CNTRL: variants seen among roughly 807,000 people sequenced by gnomAD.
CNTRL encodes centriolin.
Under a neutral mutation model 303.7 loss-of-function variants are expected in CNTRL, and 233 were observed. The observed-to-expected ratio is 0.77, with a 90% CI of 0.69 to 0.86. The LOEUF (loss-of-function observed/expected upper bound fraction) is 0.86. CNTRL is among the 40% of genes least tolerant of loss of function. The pLI, the probability that CNTRL is intolerant of heterozygous loss-of-function variation, is 0.00. For missense variants in CNTRL, 2,524 were observed against 2,650.6 expected, an observed-to-expected ratio of 0.95 and a Z score of 1.05; for synonymous variants, 900 against 922.2, an observed-to-expected ratio of 0.98 and a Z score of 0.44.
chr9:121,133,732 G>A (rs988786391), intron 14 of CNTRL, among the ~76,000 whole-genome samples: 17 of 152,322 alleles, frequency 1.1e-4, no homozygotes, highest in African/African-American at 4.1e-4. Context: ...CGTCGTCTGC[G>A]TCGATCACGC....
At position 121,125,825 on chromosome 9, in the gene CNTRL, G is replaced by A. The variant is rs1364907748; in HGVS notation, c.1914G>A (p.Glu638=). ...GCCAGGCAACTCAGGCCCAGAATGAGTGCAGGAAGCTGCGGGATGAGAAAG... is the reference window on the plus strand; with the variant it reads ...GCCAGGCAACTCAGGCCCAGAATGAATGCAGGAAGCTGCGGGATGAGAAAG... The part of the protein sequence containing the change: ...IKGQATQAQN[E]CRKLRDEKET... The change falls in exon 14 of 44, where the codon GAG becomes GAA. Residue 638 remains glutamate (E), a synonymous_variant. Transcript: ENST00000373855. 6 of 1,614,112 alleles carry A rather than the reference G, an allele frequency of 3.7e-6. No homozygotes were observed. Among genetic ancestry groups the A allele is most frequent in the Admixed American group, 3.3e-5 (2 of 60,008 alleles).
At position 121,098,534 on chromosome 9, in the gene CNTRL, C is replaced by T. The variant is rs2132605850; in HGVS notation, c.770C>T (p.Thr257Ile). Residue 257 changes from threonine to isoleucine, a missense_variant, in exon 7 of 44, where the codon ACT (threonine) becomes ATT (isoleucine). Transcript: ENST00000373855. Reference protein sequence around the residue: ...LESLEGQPVTTQDRQEAFERF... With the variant: ...LESLEGQPVTIQDRQEAFERF... The stretch of plus-strand genomic sequence containing the variant: ...AGTTTGGAAGGTCAGCCAGTAACCA[C>T]TCAGGATAGACAGGAGGCTTTTGAG... 1.2e-6 allele frequency: 2 copies of T among 1,613,592 alleles called. No individual in the cohort carries two copies. The highest frequency in any genetic ancestry group is 2.7e-5 in the African/African-American group (2 of 74,978).
Position 121,166,161 on chromosome 9 carries a change from A to AT in CNTRL, c.5639dup (p.Leu1880PhefsTer21). ...GAGGAACTAGCTAATGTCCAAGACC[A>AT]TTTGAACCTAGCAAAACAGGTAAGG... On this transcript the variant is annotated frameshift_variant, in exon 36 of 44. Coordinates refer to ENST00000373855, the MANE Select transcript of CNTRL (RefSeq NM_007018.6). LOFTEE classifies it high-confidence loss of function. 1.9e-6 allele frequency: 3 copies of AT among 1,612,076 alleles called. No homozygotes were observed. In the Admixed American group the frequency reaches 5.0e-5, roughly 27 times the overall value.
In CNTRL at chr9:121,115,073, TG is replaced by T; in HGVS notation, c.1346-16del. 2 of 1,469,336 alleles carry T rather than the reference TG, an allele frequency of 1.4e-6. No homozygotes were observed. Among genetic ancestry groups the T allele is most frequent in the Non-Finnish European group, 1.9e-6 (2 of 1,069,976 alleles). The allele number at this position is 1,469,336 out of a possible 1,614,324, so 91.0% of individuals were successfully genotyped here. On this transcript the variant is annotated splice_polypyrimidine_tract_variant and intron_variant, in intron 10 of 43. Coordinates refer to ENST00000373855, the MANE Select transcript of CNTRL (RefSeq NM_007018.6). Reference sequence around the variant, plus strand: ...TTTCTTGTTTCATATTATGTGAGCATGGTTTTTAAATTTGCAGCACAAACTC... The same window carrying T: ...TTTCTTGTTTCATATTATGTGAGCATGTTTTTAAATTTGCAGCACAAACTC...
intron 2 of CNTRL, among the ~76,000 whole-genome samples, chr9:121,081,031 C>T (rs879383685): frequency 5.9e-5 from 9 of 152,160 alleles, no homozygotes; most frequent in Admixed American, 4.6e-4. Flanking sequence ...TATGATCTAA[C>T]GCTAATAGAC....
intron 11 of CNTRL, among the ~76,000 whole-genome samples, chr9:121,116,774 C>T (rs753207949): frequency 1.3e-5 from 2 of 152,036 alleles, no homozygotes; most frequent in African/African-American, 2.4e-5. Context: ...TTGTTCAGTA[C>T]AGGCAAGAGA....
chr9:121,107,669 G>A (rs1361332651), intron 7 of CNTRL, 133 bp from the exon 8 acceptor site: 1 of 593,414 alleles, frequency 1.7e-6, no homozygotes, highest in Non-Finnish European at 2.8e-6. Flanking sequence ...CCAAAACCAT[G>A]GTGGCTAATT....
intron 23 of CNTRL, 63 bp from the exon 24 acceptor site, chr9:121,148,609 C>A: frequency 6.9e-7 from 1 of 1,450,530 alleles, no homozygotes; most frequent in Non-Finnish European, 9.4e-7. Context: ...TAGACTTTGA[C>A]GTTTCTTAAA....
Position 121,125,937 on chromosome 9 carries a change from G to A in CNTRL, c.2025+1G>A, listed in dbSNP as rs373906366. 6.6e-5 allele frequency: 106 copies of A among 1,612,806 alleles called. No individual in the cohort carries two copies. The highest frequency in any genetic ancestry group is 9.0e-5 in the Non-Finnish European group (106 of 1,178,966). ...CATGGATGCAGAAAATATGAGGAAGGTATGATTTTTTTCCTGCCTATTTTC... is the reference window on the plus strand; with the variant it reads ...CATGGATGCAGAAAATATGAGGAAGATATGATTTTTTTCCTGCCTATTTTC... On this transcript the variant is annotated splice_donor_variant, in intron 14 of 43. Transcript: ENST00000373855. LOFTEE classifies it high-confidence loss of function.
Position 121,135,768 on chromosome 9 carries a change from G to T in CNTRL, c.2026-38G>T, listed in dbSNP as rs140398445. 310 of 1,564,868 alleles carry T rather than the reference G, an allele frequency of 2.0e-4. 2 individuals carry two copies. In the African/African-American group the frequency reaches 4.0e-3, roughly 20 times the overall value. Reference sequence around the variant, plus strand: ...GCCTTGCAAATGCTTAAGCAGCACAGTGAGGGTTCCATAGTTAAACCCACT... The same window carrying T: ...GCCTTGCAAATGCTTAAGCAGCACATTGAGGGTTCCATAGTTAAACCCACT... On this transcript the variant is annotated intron_variant, in intron 14 of 43. Coordinates refer to ENST00000373855, the MANE Select transcript of CNTRL (RefSeq NM_007018.6).
rs757991527 is a variant in CNTRL, at chr9:121,142,054, G to A, written c.2692-37G>A. The A allele has an allele frequency of 1.4e-5, 21 of 1,501,404 alleles. No homozygotes were observed. In the East Asian group the frequency reaches 2.1e-4, roughly 15 times the overall value. The allele number at this position is 1,501,404 out of a possible 1,614,324, so 93.0% of individuals were successfully genotyped here. A position where few individuals can be genotyped will look rare whatever the true frequency, so the allele number is the denominator to read the frequency against. On this transcript the variant is annotated intron_variant, in intron 18 of 43. Transcript: ENST00000373855. Reference sequence around the variant, plus strand: ...TTTTATTTTGCTTAAAACATATTTTGCCTAAAAATCATTCTTGAAATTGTA... The same window carrying A: ...TTTTATTTTGCTTAAAACATATTTTACCTAAAAATCATTCTTGAAATTGTA...
In CNTRL at chr9:121,170,204, C is replaced by T. The variant is rs148763947; in HGVS notation, c.6276+388C>T. ...TTGTCTCCCATGCTAGATTGAGTGGCGCAATCTCAGCTCACTGCAGCCTCT... is the reference window on the plus strand; with the variant it reads ...TTGTCTCCCATGCTAGATTGAGTGGTGCAATCTCAGCTCACTGCAGCCTCT... On this transcript the variant is annotated intron_variant, in intron 39 of 43. Transcript: ENST00000373855. 1.2e-4 allele frequency among the ~76,000 whole-genome samples: 19 copies of T among 152,260 alleles called. No individual in the cohort carries two copies. The East Asian group carries it at 2.1e-3, about 17-fold the overall frequency.
At chr9:121,110,712 A>G (rs1014501576) in intron 8 of CNTRL, among the ~76,000 whole-genome samples, 2 of 151,802 alleles carry the variant, frequency 1.3e-5, no homozygotes, top group South Asian at 4.1e-4. Context: ...TTTTTTTTTA[A>G]TGGATGTTTA....
intron 34 of CNTRL, 47 bp from the exon 35 acceptor site, chr9:121,164,896 C>G: frequency 6.7e-7 from 1 of 1,501,272 alleles, no homozygotes; most frequent in Non-Finnish European, 9.1e-7. Flanking sequence ...CAGTCATCTC[C>G]TGTGTGTGCT....
At chr9:121,167,869 T>C (rs1222849305) in intron 37 of CNTRL, among the ~76,000 whole-genome samples, 192 bp downstream of exon 37, 2 of 152,180 alleles carry the variant, frequency 1.3e-5, no homozygotes, top group Admixed American at 1.3e-4. Context: ...TCATAGAACA[T>C]CAGTCCTGTA....
Position 121,171,402 on chromosome 9 carries a change from T to C in CNTRL, c.6277-6T>C. 5 of 1,613,816 alleles carry C rather than the reference T, an allele frequency of 3.1e-6. No individual in the cohort carries two copies. In the South Asian group the frequency reaches 5.5e-5, roughly 18 times the overall value. ...TCGCAGAGTTATTTTCTTCCTCCTG[T>C]GCTAGGAGCAAAAACAGGAGAACAG... On this transcript the variant is annotated splice_polypyrimidine_tract_variant and splice_region_variant and intron_variant, in intron 39 of 43. Coordinates refer to ENST00000373855, the MANE Select transcript of CNTRL (RefSeq NM_007018.6).
intron 1 of CNTRL, among the ~76,000 whole-genome samples, chr9:121,076,907 G>C (rs1727036119): frequency 6.6e-6 from 1 of 152,236 alleles, no homozygotes; most frequent in Middle Eastern, 3.4e-3. Flanking sequence ...TAAGGAGAGG[G>C]ATATGGGGGT....
At chr9:121,082,044 G>A (rs1338698273) in intron 2 of CNTRL, among the ~76,000 whole-genome samples, 1 of 152,216 alleles carries the variant, frequency 6.6e-6, no homozygotes, top group Non-Finnish European at 1.5e-5. Flanking sequence ...AGAGCTATGT[G>A]ATAGGAAACA....
In CNTRL at chr9:121,135,991, G is replaced by A. The variant is rs369589974; in HGVS notation, c.2202+9G>A. ...TAACAAGACTTACCCAGGTAAGTAG[G>A]AGCATGAAGCCAACTGCAAACTAAG... On this transcript the variant is annotated intron_variant, in intron 15 of 43. Coordinates refer to ENST00000373855, the MANE Select transcript of CNTRL (RefSeq NM_007018.6). 1.9e-4 allele frequency: 294 copies of A among 1,584,014 alleles called. No homozygotes were observed. The highest frequency in any genetic ancestry group is 2.5e-4 in the Non-Finnish European group (285 of 1,160,034).
Sources: gnomAD v4.1 joint callset for allele counts (sites outside exome capture counted in the v4.1 genomes callset) on GRCh38, gnomAD v4.1.1 for gene constraint, MANE v1.5 for transcripts, NCBI Gene and HGNC (gene_info 2026-07-23, HGNC 2026-07-21) for gene names.